Variants in ARG1 observed in about 807,000 individuals in gnomAD.
ARG1 encodes arginase 1.
ARG1 carries 20 observed loss-of-function variants against 33.0 expected under a neutral mutation model. The ratio of observed to expected loss-of-function variants is 0.61; its 90% confidence interval spans 0.43 to 0.88. ARG1 has a LOEUF of 0.88. Ranked by LOEUF, ARG1 falls within the 40% of genes least tolerant of loss-of-function variation. The probability of loss-of-function intolerance (pLI) is 0.00; values close to 1 mark genes in which losing one functional copy is unlikely to be tolerated. For synonymous variants in ARG1, 146 were observed against 140.6 expected (o/e 1.04, Z -0.27); for missense variants, 374 against 384.7 (o/e 0.97, Z 0.23).
At chr6:131,582,803 T>C (rs1585425622) in intron 5 of ARG1, 88 bp downstream of exon 5, 1 of 1,128,320 alleles carries the variant, frequency 8.9e-7, no homozygotes, top group East Asian at 2.3e-5. Flanking sequence ...TGAGAGAAAA[T>C]TAAACATCAA....
In ARG1 at chr6:131,573,305, T is replaced by C. The variant is rs149310631; in HGVS notation, c.23T>C (p.Ile8Thr). The C allele has an allele frequency of 2.5e-6, 4 of 1,613,798 alleles. No individual in the cohort carries two copies. The highest frequency in any genetic ancestry group is 2.2e-5 in the East Asian group (1 of 44,872). MSAKSRT[I>T]GIIGAPFSKG... The stretch of plus-strand genomic sequence containing the variant: ...AGCATGAGCGCCAAGTCCAGAACCA[T>C]AGGGATTATTGGAGCTCCTTTCTCA... Residue 8 changes from isoleucine to threonine, a missense_variant, in exon 1 of 8, where the codon ATA becomes ACA. Ile to Thr is a moderately conservative substitution (Grantham distance 89). Coordinates refer to ENST00000368087, the MANE Select transcript of ARG1 (RefSeq NM_000045.4).
Position 131,579,305 on chromosome 6 carries a change from T to A in ARG1, c.305+20T>A. On this transcript the variant is annotated intron_variant, in intron 3 of 7. Coordinates refer to ENST00000368087, the MANE Select transcript of ARG1 (RefSeq NM_000045.4). The stretch of plus-strand genomic sequence containing the variant: ...CCACAGGTCTTGTTGAATAACTGTG[T>A]CTATGGGAATCTGGCACAAAGGAAG... 7 of 1,613,080 alleles carry A rather than the reference T, an allele frequency of 4.3e-6. No individual in the cohort carries two copies. The highest frequency in any genetic ancestry group is 5.9e-6 in the Non-Finnish European group (7 of 1,179,398).
At chr6:131,573,569 C>T (rs565522210) in intron 1 of ARG1, among the ~76,000 whole-genome samples, 5 of 152,274 alleles carry the variant, frequency 3.3e-5, no homozygotes, top group Admixed American at 6.5e-5. Context: ...TTTGAACCTA[C>T]AGAATGTTTT....
intron 2 of ARG1, among the ~76,000 whole-genome samples, chr6:131,577,904 CAAA>C (rs574140142): frequency 5.3e-5 from 4 of 74,972 alleles, no homozygotes; most frequent in Admixed American, 1.5e-4. Context: ...ACTCCATCTC[CAAA>C]AAAAAAAAAA....
chr6:131,583,501 A>C lies in ARG1; in HGVS notation c.802+10A>C, dbSNP rs1453364900. ...GAAATCTACAAAACAGGTAGTTAAC[A>C]ATCTGAGGTAATAGAGAAGCAAGTG... On this transcript the variant is annotated intron_variant, in intron 7 of 7. Transcript: ENST00000368087. The C allele has an allele frequency of 2.5e-6, 4 of 1,614,090 alleles. No individual in the cohort carries two copies. The highest frequency in any genetic ancestry group is 3.4e-6 in the Non-Finnish European group (4 of 1,179,948).
chr6:131,584,182 C>A lies in ARG1; in HGVS notation c.*274C>A. The stretch of plus-strand genomic sequence containing the variant: ...TGATTTCCAATTAAAAATTTGCTGG[C>A]ATTAAAAATAAGCACACTTACATAA... On this transcript the variant is annotated 3_prime_UTR_variant, in exon 8 of 8. Coordinates refer to ENST00000368087, the MANE Select transcript of ARG1 (RefSeq NM_000045.4). 2.4e-6 allele frequency: 1 copy of A among 421,824 alleles called. No homozygotes were observed. Among genetic ancestry groups the A allele is most frequent in the Non-Finnish European group, 4.3e-6 (1 of 233,810 alleles). The allele number at this position is 421,824 out of a possible 1,614,324, so 26.1% of individuals were successfully genotyped here.
chr6:131,573,431 G>T (rs376196920), intron 1 of ARG1, 92 bp downstream of exon 1: 6 of 1,217,326 alleles, frequency 4.9e-6, no homozygotes, highest in Non-Finnish European at 7.3e-6. Context: ...AGTTAGTTCA[G>T]TTTTCTGATA....
chr6:131,578,296 T>C (rs1190723502), intron 2 of ARG1, among the ~76,000 whole-genome samples: 1 of 151,976 alleles, frequency 6.6e-6, no homozygotes, highest in Admixed American at 6.6e-5. Flanking sequence ...TTGTATCAGG[T>C]GAAATTTCTT....
intron 2 of ARG1, 39 bp downstream of exon 2, chr6:131,576,774 C>T (rs769118957): frequency 1.9e-6 from 3 of 1,557,978 alleles, no homozygotes; most frequent in Non-Finnish European, 2.7e-6. Flanking sequence ...CTGATTTCCT[C>T]CCCACTCTGA....
At position 131,579,078 on chromosome 6, in the gene ARG1, T is replaced by C. The variant is rs1562356509; in HGVS notation, c.131-33T>C. 4.3e-6 allele frequency: 7 copies of C among 1,611,444 alleles called. No individual in the cohort carries two copies. The East Asian group carries it at 1.6e-4, about 36-fold the overall frequency. The stretch of plus-strand genomic sequence containing the variant: ...CACAGACTGATTTATAATCTACTTT[T>C]TAATTTAGTAACTCAAAACTTTTTA... On this transcript the variant is annotated intron_variant, in intron 2 of 7. Coordinates refer to ENST00000368087, the MANE Select transcript of ARG1 (RefSeq NM_000045.4).
At chr6:131,579,505 G>C in intron 3 of ARG1, 1 of 428,398 alleles carries the variant, frequency 2.3e-6, no homozygotes, top group Non-Finnish European at 4.2e-6. Flanking sequence ...TAGTACAGCA[G>C]AAAATGTATG....
At position 131,583,415 on chromosome 6, in the gene ARG1, A is replaced by T. The variant is rs750244366; in HGVS notation, c.726A>T (p.Pro242=). The part of the protein sequence containing the change: ...DVDGLDPSFT[P]ATGTPVVGGL... ...ACGGACTGGACCCATCTTTCACACC[A>T]GCTACTGGCACACCAGTCGTGGGAG... The change falls in exon 7 of 8, where the codon CCA becomes CCT. Residue 242 remains proline (P), a synonymous_variant. Coordinates refer to ENST00000368087, the MANE Select transcript of ARG1 (RefSeq NM_000045.4). 8.7e-6 allele frequency: 14 copies of T among 1,614,190 alleles called. No individual in the cohort carries two copies. The South Asian group carries it at 1.3e-4, about 15-fold the overall frequency.
At chr6:131,582,230 CA>C (rs1773962924) in intron 4 of ARG1, among the ~76,000 whole-genome samples, 1 of 152,158 alleles carries the variant, frequency 6.6e-6, no homozygotes, top group Non-Finnish European at 1.5e-5. Context: ...CATATTATCA[CA>C]TTAAGAATAA....
At chr6:131,576,633 T>C (rs1259637770) in intron 1 of ARG1, 30 bp from the exon 2 acceptor site, 1 of 1,588,920 alleles carries the variant, frequency 6.3e-7, no homozygotes, top group Admixed American at 1.7e-5. Flanking sequence ...CATGATAATG[T>C]CTGAAGTACT....
chr6:131,575,888 CTTTG>C (rs66799332), intron 1 of ARG1, among the ~76,000 whole-genome samples: 14,755 of 152,158 alleles, frequency 0.097, 929 homozygotes, highest in Non-Finnish European at 0.15. Flanking sequence ...CTGGGTTGGT[CTTTG>C]TTTGTAGTTT....
chr6:131,581,507 A>G, intron 4 of ARG1, 129 bp downstream of exon 4: 1 of 1,140,606 alleles, frequency 8.8e-7, no homozygotes. Context: ...CTCTGCAGCC[A>G]ATAAGCAAAG....
At chr6:131,583,543 A>ATATT in intron 7 of ARG1, 52 bp downstream of exon 7, 2 of 1,548,784 alleles carry the variant, frequency 1.3e-6, no homozygotes, top group Non-Finnish European at 1.7e-6. Context: ...TGACTAATAT[A>ATATT]TATTTATACC....
chr6:131,582,390 C>T lies in ARG1; in HGVS notation c.466-231C>T, dbSNP rs1008641710. Among the ~76,000 whole-genome samples, 5 of 152,234 alleles carry T rather than the reference C, an allele frequency of 3.3e-5. No homozygotes were observed. In the Middle Eastern group the frequency reaches 0.01, roughly 311 times the overall value. On this transcript the variant is annotated intron_variant, in intron 4 of 7. Transcript: ENST00000368087. ...AGAGGAGCCCTGGGAAAGAAGGGCC[C>T]AGCAGGACTGGGGCACAAAGTAGGT...
At chr6:131,573,926 G>GA (rs1773489787) in intron 1 of ARG1, 1 of 319,974 alleles carries the variant, frequency 3.1e-6, no homozygotes, top group Non-Finnish European at 6.0e-6. Context: ...CTTGGAAGGG[G>GA]AAAAAAAGAA....
Sources: gnomAD v4.1 joint callset for allele counts (sites outside exome capture counted in the v4.1 genomes callset) on GRCh38, gnomAD v4.1.1 for gene constraint, MANE v1.5 for transcripts, NCBI Gene and HGNC (gene_info 2026-07-23, HGNC 2026-07-21) for gene names.